FBXL18: variants seen among roughly 807,000 people sequenced by gnomAD.
FBXL18 encodes the protein F-box and leucine rich repeat protein 18.
In FBXL18, 36 loss-of-function variants were observed where a neutral mutation model predicts 46.0. That is an observed-to-expected ratio of 0.78 (90% CI 0.60 to 1.03). FBXL18 has a LOEUF of 1.03. FBXL18 is among the 50% of genes least tolerant of loss of function. The probability of loss-of-function intolerance (pLI) is 0.00; values close to 1 mark genes in which losing one functional copy is unlikely to be tolerated. For synonymous variants in FBXL18, 557 were observed against 465.3 expected, an observed-to-expected ratio of 1.20 and a Z score of -2.54; for missense variants, 977 against 1,004.1, an observed-to-expected ratio of 0.97 and a Z score of 0.36.
At chr7:5,469,418 T>C (rs933511151) in intron 4 of FBXL18, among the ~76,000 whole-genome samples, 1 of 151,988 alleles carries the variant, frequency 6.6e-6, no homozygotes, top group Non-Finnish European at 1.5e-5. Context: ...TCAAAAAAAA[T>C]TTTTTTAAAA....
intron 4 of FBXL18, among the ~76,000 whole-genome samples, chr7:5,487,588 A>G (rs1027605377): frequency 6.6e-6 from 1 of 152,168 alleles, no homozygotes; most frequent in Non-Finnish European, 1.5e-5. Context: ...CTCATTGCTC[A>G]GGGCAGCTCT....
intron 4 of FBXL18, among the ~76,000 whole-genome samples, chr7:5,464,835 G>A (rs1045559880): frequency 6.6e-6 from 1 of 151,268 alleles, no homozygotes; most frequent in Non-Finnish European, 1.5e-5. Flanking sequence ...AGGCCGAGGT[G>A]GGCAAATCAC....
At position 5,505,471 on chromosome 7, in the gene FBXL18, C is replaced by G. The variant is rs370903673; in HGVS notation, c.178G>C (p.Ala60Pro). The G allele has an allele frequency of 4.3e-6, 7 of 1,614,042 alleles. No homozygotes were observed. Among genetic ancestry groups the G allele is most frequent in the Non-Finnish European group, 5.1e-6 (6 of 1,180,044 alleles). ...LNVRRTCRKL[A>P]ALCLDKSLIH... The stretch of plus-strand genomic sequence containing the variant: ...AGGCTCTTGTCAAGGCACAGGGCTG[C>G]AAGCTTCCGACAGGTACGCCGGACG... The change falls in exon 2 of 5, where the codon GCA becomes CCA. Residue 60 changes from alanine (A) to proline (P), a missense_variant. Transcript: ENST00000382368.
chr7:5,509,575 C>T (rs967657922), intron 1 of FBXL18, among the ~76,000 whole-genome samples: 2 of 151,632 alleles, frequency 1.3e-5, no homozygotes, highest in Non-Finnish European at 2.9e-5. Context: ...CTACTGTCCA[C>T]AGCAACTATC....
In FBXL18 at chr7:5,479,034, G is replaced by C. The variant is rs1259549934; in HGVS notation, c.*2741C>G. ...TGCAACTAACGCTGGTGCCAAAATA[G>C]CACTTAGAGAAAATAAGCACGTTAT... is the stretch of plus-strand genomic sequence containing the variant. On this transcript the variant is annotated 3_prime_UTR_variant, in exon 5 of 5. Transcript: ENST00000382368. 3 of 152,176 alleles carry C rather than the reference G, an allele frequency of 2.0e-5. No individual in the cohort carries two copies. Among genetic ancestry groups the C allele is most frequent in the Non-Finnish European group, 4.4e-5 (3 of 68,042 alleles). 9.4% of individuals were successfully genotyped at this position (152,176 alleles called of 1,614,324 possible).
chr7:5,471,577 A>AT (rs1353136054), downstream of FBXL18, among the ~76,000 whole-genome samples: 4 of 151,050 alleles, frequency 2.6e-5, no homozygotes, highest in African/African-American at 9.8e-5. Flanking sequence ...CGCCCGGCTA[A>AT]TTTTTTGTAT....
At chr7:5,475,618 C>G (rs939225874), downstream of FBXL18, among the ~76,000 whole-genome samples, 2 of 152,150 alleles carry the variant, frequency 1.3e-5, no homozygotes, top group Non-Finnish European at 2.9e-5. This position sits in a 1 kb window ranked among gnomAD's most constrained non-coding sequence, Gnocchi z 4.2. Context: ...GGAGTGTCTG[C>G]CCCCCGCTTT....
chr7:5,478,631 CCCT>C lies in FBXL18; in HGVS notation c.*3141_*3143del, dbSNP rs1008158165. 4 of 152,382 alleles carry C rather than the reference CCCT, an allele frequency of 2.6e-5. No homozygotes were observed. Among genetic ancestry groups the C allele is most frequent in the Non-Finnish European group, 5.9e-5 (4 of 68,144 alleles). The allele number at this position is 152,382 out of a possible 1,614,324, so 9.4% of individuals were successfully genotyped here. On this transcript the variant is annotated 3_prime_UTR_variant, in exon 5 of 5. Coordinates refer to ENST00000382368, the MANE Select transcript of FBXL18 (RefSeq NM_024963.6). Reference sequence around the variant, plus strand: ...AGAACAAAGGGATACATACCCTTTCCCCTCCTCCCTCCCTCCAACCCCACAGTC... The same window carrying C: ...AGAACAAAGGGATACATACCCTTTCCCCTCCCTCCCTCCAACCCCACAGTC...
intron 4 of FBXL18, among the ~76,000 whole-genome samples, chr7:5,486,115 G>A (rs537105155): frequency 1.3e-5 from 2 of 150,564 alleles, no homozygotes; most frequent in East Asian, 1.9e-4. Flanking sequence ...TTAGCTGGGC[G>A]TGCTGGCGCA....
At chr7:5,485,266 G>T (rs560586921) in intron 4 of FBXL18, among the ~76,000 whole-genome samples, 2 of 152,188 alleles carry the variant, frequency 1.3e-5, no homozygotes, top group Non-Finnish European at 2.9e-5. Context: ...CTGGGGCAGA[G>T]GGGGAGTCTC....
chr7:5,509,841 G>C (rs1156581557), intron 1 of FBXL18, among the ~76,000 whole-genome samples: 5 of 152,012 alleles, frequency 3.3e-5, no homozygotes, highest in Admixed American at 6.6e-5. Context: ...GAAGCAGCTC[G>C]AATGGGCCCC....
chr7:5,500,837 GA>G lies in FBXL18; in HGVS notation c.1431del (p.Leu478CysfsTer2). On this transcript the variant is annotated frameshift_variant, in exon 3 of 5. Transcript: ENST00000382368. LOFTEE classifies it high-confidence loss of function. ...TCCAGGAAGGGCAGGTTCTTCAGCA[GA>G]GACCAGAACACGGAGGAGGGCTGGG... ...ACPQPSSVFW[S>X]LLKNLPFLEH... The G allele has an allele frequency of 6.2e-7, 1 of 1,611,780 alleles. No individual in the cohort carries two copies.
At chr7:5,462,376 G>A (rs1365213175) in intron 4 of FBXL18, among the ~76,000 whole-genome samples, 1 of 152,166 alleles carries the variant, frequency 6.6e-6, no homozygotes, top group Non-Finnish European at 1.5e-5. Context: ...CCCCACTGTG[G>A]GTACCCACTG....
Position 5,458,288 on chromosome 7 carries a change from C to T in FBXL18, c.2001-10445G>A, listed in dbSNP as rs188312338. Among the ~76,000 whole-genome samples the T allele has an allele frequency of 2.0e-5, 3 of 152,284 alleles. No individual in the cohort carries two copies. In the East Asian group the frequency reaches 5.8e-4, roughly 29 times the overall value. On this transcript the variant is annotated intron_variant and NMD_transcript_variant, in intron 4 of 6. Coordinates refer to the FBXL18 transcript ENST00000415009. Reference sequence around the variant, plus strand: ...CTCTGTATAGAGAGGTTTCTGGCCACCCACAGTGGCTCACGCCTGTAATCC... The same window carrying T: ...CTCTGTATAGAGAGGTTTCTGGCCATCCACAGTGGCTCACGCCTGTAATCC...
chr7:5,471,601 G>T (rs534412124), downstream of FBXL18, among the ~76,000 whole-genome samples: 15 of 151,880 alleles, frequency 9.9e-5, no homozygotes, highest in Admixed American at 1.3e-4. Flanking sequence ...TAGTAGAGAC[G>T]GGGCTTCACC....
intron 4 of FBXL18, among the ~76,000 whole-genome samples, chr7:5,457,312 G>A (rs1344294347): frequency 6.6e-6 from 1 of 152,184 alleles, no homozygotes; most frequent in African/African-American, 2.4e-5. Context: ...CAGAGCAATT[G>A]GTTCAGTAGT....
chr7:5,491,590 C>T, intron 3 of FBXL18, 141 bp from the exon 4 acceptor site: 2 of 708,792 alleles, frequency 2.8e-6, no homozygotes, highest in South Asian at 3.8e-5. Context: ...ACCAATACCA[C>T]TATCCCTTGG....
At chr7:5,494,770 G>T (rs1340294785) in intron 3 of FBXL18, among the ~76,000 whole-genome samples, 1 of 152,220 alleles carries the variant, frequency 6.6e-6, no homozygotes. Flanking sequence ...GTTGGGCAAG[G>T]ACGGTGCCGT....
intron 3 of FBXL18, among the ~76,000 whole-genome samples, chr7:5,493,438 G>A (rs1783984078): frequency 6.6e-6 from 1 of 152,076 alleles, no homozygotes; most frequent in Non-Finnish European, 1.5e-5. Context: ...TGGGACTACA[G>A]GCGCCTGCCA....
Sources: allele counts gnomAD v4.1 joint callset (sites outside exome capture counted in the v4.1 genomes callset), GRCh38; gene constraint gnomAD v4.1.1; non-coding constraint Gnocchi (gnomAD v3.1); transcripts MANE v1.5; gene names NCBI Gene and HGNC (gene_info 2026-07-23, HGNC 2026-07-21).